GLB1L3: variants seen among roughly 807,000 people sequenced by gnomAD.
GLB1L3 encodes galactosidase beta 1 like 3, also known as beta-galactosidase-1-like protein 3.
A neutral mutation model predicts 89.5 loss-of-function variants in GLB1L3; 89 were observed. The ratio of observed to expected loss-of-function variants is 0.99; its 90% CI spans 0.84 to 1.19. The LOEUF is 1.19. Ranked by LOEUF, GLB1L3 falls within the 50% of genes most tolerant of loss-of-function variation. The pLI, the probability that GLB1L3 is intolerant of heterozygous loss-of-function variation, is 0.00. For synonymous variants in GLB1L3, 314 were observed against 312.3 expected, an observed-to-expected ratio of 1.01 and a Z score of -0.06; for missense variants, 812 against 813.3, an observed-to-expected ratio of 1.00 and a Z score of 0.02.
At position 134,276,548 on chromosome 11, in the gene GLB1L3, C is replaced by A; in HGVS notation, c.-193C>A. Reference sequence around the variant, plus strand: ...TCGGCTGTCCCCGCGGGAGGGAGCCCGACGCGCATCCTTGGGACCCGGACC... The same window carrying A: ...TCGGCTGTCCCCGCGGGAGGGAGCCAGACGCGCATCCTTGGGACCCGGACC... On this transcript the variant is annotated 5_prime_UTR_variant, in exon 1 of 20. Transcript: ENST00000431683. 2 of 429,754 alleles carry A rather than the reference C, an allele frequency of 4.7e-6. No individual in the cohort carries two copies. Among genetic ancestry groups the A allele is most frequent in the Admixed American group, 4.5e-5 (1 of 22,030 alleles). 26.6% of individuals were successfully genotyped at this position (429,754 alleles called of 1,614,324 possible).
intron 10 of GLB1L3, among the ~76,000 whole-genome samples, chr11:134,307,413 G>A (rs1179274255): frequency 6.6e-6 from 1 of 152,228 alleles, no homozygotes; most frequent in Non-Finnish European, 1.5e-5. Context: ...GTATAAGTTA[G>A]TGAGGTCCAC....
intron 5 of GLB1L3, 131 bp from the exon 6 acceptor site, chr11:134,283,606 C>A: frequency 1.7e-6 from 1 of 596,480 alleles, no homozygotes; most frequent in South Asian, 2.0e-5. Flanking sequence ...CTTTCCAGGA[C>A]CCGAGTGCTC....
intron 4 of GLB1L3, 100 bp from the exon 5 acceptor site, chr11:134,281,925 C>T (rs145657962): frequency 0.12 from 113,760 of 963,660 alleles, 4,256 homozygotes; most frequent in Admixed American, 0.22. Flanking sequence ...GCCGTCCCTT[C>T]GCCCCACCAG....
At chr11:134,291,745 C>T (rs1941372412) in intron 7 of GLB1L3, among the ~76,000 whole-genome samples, 1 of 152,164 alleles carries the variant, frequency 6.6e-6, no homozygotes, top group African/African-American at 2.4e-5. Flanking sequence ...GAGTACAAGG[C>T]GGGAGGCTCA....
intron 5 of GLB1L3, among the ~76,000 whole-genome samples, chr11:134,282,519 G>T (rs1025645511): frequency 6.6e-6 from 1 of 152,206 alleles, no homozygotes. Flanking sequence ...GGCCTGCAAG[G>T]GAAGGTTCTG....
intron 18 of GLB1L3, chr11:134,316,765 C>T (rs1047481296): frequency 6.6e-6 from 1 of 152,210 alleles, no homozygotes; most frequent in African/African-American, 2.4e-5. Flanking sequence ...TACTCTTGCT[C>T]TTTCACCTCT....
Position 134,311,079 on chromosome 11 carries a change from G to A in GLB1L3, c.1196G>A (p.Arg399Gln), listed in dbSNP as rs377414321. The change falls in exon 13 of 20, where the codon CGA (arginine) becomes CAA (glutamine). Residue 399 changes from arginine to glutamine, a missense_variant. By Grantham distance (43) the Arg-to-Gln change is conservative. Coordinates refer to ENST00000431683, the MANE Select transcript of GLB1L3 (RefSeq NM_001080407.3). Reference sequence around the variant, plus strand: ...TCCATTGCAGCAACTCCCCTGCCCCGAGTACCCAAACTTCCTCCCAAGGCT... The same window carrying A: ...TCCATTGCAGCAACTCCCCTGCCCCAAGTACCCAAACTTCCTCCCAAGGCT... ...FQSVSATPLP[R>Q]VPKLPPKAVY... The A allele has an allele frequency of 1.2e-6, 2 of 1,613,682 alleles. No homozygotes were observed. Among genetic ancestry groups the A allele is most frequent in the Admixed American group, 1.7e-5 (1 of 60,004 alleles).
intron 9 of GLB1L3, among the ~76,000 whole-genome samples, chr11:134,296,977 T>C (rs1019944236): frequency 1.3e-5 from 2 of 152,098 alleles, no homozygotes; most frequent in African/African-American, 4.8e-5. Flanking sequence ...TTACTGATTT[T>C]CTGCCTACTC....
intron 5 of GLB1L3, 58 bp downstream of exon 5, chr11:134,282,178 A>G (rs908657094): frequency 6.7e-7 from 1 of 1,485,288 alleles, no homozygotes. Context: ...CTTTAAAAAA[A>G]GTGAATTTCA....
At chr11:134,321,775 G>A (rs947136592), downstream of GLB1L3, among the ~76,000 whole-genome samples, 5 of 150,236 alleles carry the variant, frequency 3.3e-5, no homozygotes, top group Non-Finnish European at 7.4e-5. Context: ...GTCATGGGGT[G>A]GGGGGAGTTG....
In GLB1L3 at chr11:134,276,886, C is replaced by A. The variant is rs965303731; in HGVS notation, c.23+123C>A. On this transcript the variant is annotated intron_variant, in intron 1 of 19. Coordinates refer to ENST00000431683, the MANE Select transcript of GLB1L3 (RefSeq NM_001080407.3). ...AGGCACGCGCCGCGCCGGGCCGCGCCACCAAGCCCGCTGTCCCCAGCTTTC... is the reference window on the plus strand; with the variant it reads ...AGGCACGCGCCGCGCCGGGCCGCGCAACCAAGCCCGCTGTCCCCAGCTTTC... 5.7e-6 allele frequency: 5 copies of A among 881,146 alleles called. No homozygotes were observed. The African/African-American group carries it at 8.8e-5, about 16-fold the overall frequency. 54.6% of individuals were successfully genotyped at this position (881,146 alleles called of 1,614,324 possible). A position where few individuals can be genotyped will look rare whatever the true frequency, so the allele number is the denominator to read the frequency against.
intron 6 of GLB1L3, among the ~76,000 whole-genome samples, chr11:134,288,461 A>G (rs1367188141): frequency 2.0e-5 from 3 of 152,238 alleles, no homozygotes. Flanking sequence ...AAGTGGTGGC[A>G]TAAGCCTAAG....
At chr11:134,308,648 A>T (rs1469163167) in intron 10 of GLB1L3, among the ~76,000 whole-genome samples, 2 of 150,530 alleles carry the variant, frequency 1.3e-5, no homozygotes, top group Non-Finnish European at 3.0e-5. Context: ...CACCATCACC[A>T]CCATCATCAC....
At chr11:134,318,492 T>C in intron 18 of GLB1L3, 139 bp from the exon 19 acceptor site, 1 of 618,550 alleles carries the variant, frequency 1.6e-6, no homozygotes, top group South Asian at 1.9e-5. Flanking sequence ...GTAGAAGTTC[T>C]ATAACATATC....
In GLB1L3 at chr11:134,308,211, C is replaced by T. The variant is rs796133600; in HGVS notation, c.961+1003C>T. Among the ~76,000 whole-genome samples, 127 of 27,860 alleles carry T rather than the reference C, an allele frequency of 4.6e-3. 1 individual carries two copies. Among genetic ancestry groups the T allele is most frequent in the African/African-American group, 0.025 (120 of 4,854 alleles). The allele number at this position is 27,860 out of a possible 152,430, so 18.3% of individuals were successfully genotyped here. A position where few individuals can be genotyped will look rare whatever the true frequency, so the allele number is the denominator to read the frequency against. On this transcript the variant is annotated intron_variant, in intron 10 of 19. Transcript: ENST00000431683. ...ATCATCACCATCACCACTACCACCA[C>T]CACCATCACCATCACCACCACCACC...
At chr11:134,313,635 G>A (rs1333640416) in intron 16 of GLB1L3, among the ~76,000 whole-genome samples, 161 bp downstream of exon 16, 1 of 152,198 alleles carries the variant, frequency 6.6e-6, no homozygotes, top group African/African-American at 2.4e-5. Flanking sequence ...CCCTTGTCTT[G>A]CCTTCTCTGA....
At chr11:134,309,569 G>A in intron 10 of GLB1L3, 57 bp from the exon 11 acceptor site, 4 of 1,412,874 alleles carry the variant, frequency 2.8e-6, no homozygotes, top group South Asian at 1.5e-5. Flanking sequence ...TTTGCCAGAG[G>A]CTTCTGTCTC....
Position 134,307,130 on chromosome 11 carries a change from A to G in GLB1L3, c.883A>G (p.Lys295Glu). The change falls in exon 10 of 20, where the codon AAG becomes GAG. Residue 295 changes from lysine (K) to glutamate (E), a missense_variant. Coordinates refer to ENST00000431683, the MANE Select transcript of GLB1L3 (RefSeq NM_001080407.3). ...FNQLHKVQRD[K>E]PLLIMEYWVG... is the part of the protein sequence containing the mutation. ...TGCTTTGGTTTGTTTTTAGAGAGAT[A>G]AGCCCCTTCTGATTATGGAATACTG... The G allele has an allele frequency of 6.2e-7, 1 of 1,613,002 alleles. No individual in the cohort carries two copies. Among genetic ancestry groups the G allele is most frequent in the Non-Finnish European group, 8.5e-7 (1 of 1,179,174 alleles).
rs79406811 is a variant in GLB1L3, at chr11:134,292,469, G to A, written c.811+256G>A. The stretch of plus-strand genomic sequence containing the variant: ...ACTGGAGCTCCTCTGTTCTCAGGAC[G>A]CCTTTCCATCTCCCATAGTTTTTCT... On this transcript the variant is annotated intron_variant, in intron 8 of 19. Coordinates refer to ENST00000431683, the MANE Select transcript of GLB1L3 (RefSeq NM_001080407.3). 290 of 341,232 alleles carry A rather than the reference G, an allele frequency of 8.5e-4. 4 individuals carry two copies. Among genetic ancestry groups the A allele is most frequent in the African/African-American group, 5.5e-3 (268 of 48,294 alleles). 21.1% of individuals were successfully genotyped at this position (341,232 alleles called of 1,614,324 possible). A position where few individuals can be genotyped will look rare whatever the true frequency, so the allele number is the denominator to read the frequency against.
Sources: gnomAD v4.1 joint callset for allele counts (sites outside exome capture counted in the v4.1 genomes callset) on GRCh38, gnomAD v4.1.1 for gene constraint, MANE v1.5 for transcripts, NCBI Gene and HGNC (gene_info 2026-07-23, HGNC 2026-07-21) for gene names.